ADAMTSL3: variants seen among roughly 807,000 people sequenced by gnomAD.
The protein encoded by ADAMTSL3 is ADAMTS like 3.
ADAMTSL3 carries 128 observed loss-of-function variants against 201.7 expected under a neutral mutation model. The observed-to-expected ratio is 0.63, with a 90% CI of 0.55 to 0.73. The LOEUF (loss-of-function observed/expected upper bound fraction) is 0.73. Ranked by LOEUF, ADAMTSL3 falls within the 30% of genes least tolerant of loss-of-function variation. The pLI is 0.00. For synonymous variants in ADAMTSL3, 738 were observed against 748.4 expected (o/e 0.99, Z 0.23); for missense variants, 1,990 against 2,119.6 (o/e 0.94, Z 1.20).
At chr15:83,881,217 C>A (rs2065264066) in intron 9 of ADAMTSL3, among the ~76,000 whole-genome samples, 1 of 152,204 alleles carries the variant, frequency 6.6e-6, no homozygotes, top group Non-Finnish European at 1.5e-5. Flanking sequence ...TGAACCAGGG[C>A]TTTATTCCCT....
At chr15:84,025,026 A>G (rs1389385095) in intron 26 of ADAMTSL3, among the ~76,000 whole-genome samples, 1 of 152,218 alleles carries the variant, frequency 6.6e-6, no homozygotes. Flanking sequence ...TTCCTAAAGT[A>G]GTCATCTCTA....
chr15:84,032,427 A>C (rs2068425929), intron 28 of ADAMTSL3, among the ~76,000 whole-genome samples: 1 of 152,198 alleles, frequency 6.6e-6, no homozygotes, highest in Admixed American at 6.5e-5. Context: ...ATTCTCCTCA[A>C]ATGGAAAATG....
chr15:84,016,223 T>C (rs1228888183), intron 24 of ADAMTSL3, among the ~76,000 whole-genome samples, 160 bp from the exon 25 acceptor site: 2 of 152,196 alleles, frequency 1.3e-5, no homozygotes, highest in Non-Finnish European at 2.9e-5. Context: ...TCCATACTTA[T>C]ACACACCTCC....
chr15:83,883,633 G>T lies in ADAMTSL3; in HGVS notation c.961-1468G>T, dbSNP rs2141864182. Reference sequence around the variant, plus strand: ...TGCAGTGGCGTGATCATGGCTCACTGTAGCCTCAAACTCCTGGACTCAAGG... The same window carrying T: ...TGCAGTGGCGTGATCATGGCTCACTTTAGCCTCAAACTCCTGGACTCAAGG... On this transcript the variant is annotated intron_variant, in intron 9 of 29. Transcript: ENST00000286744. 2.7e-5 allele frequency among the ~76,000 whole-genome samples: 4 copies of T among 150,390 alleles called. 1 individual carries two copies. In the Middle Eastern group the frequency reaches 0.014, roughly 519 times the overall value.
chr15:83,913,498 C>G, intron 16 of ADAMTSL3, 120 bp downstream of exon 16: 1 of 984,110 alleles, frequency 1.0e-6, no homozygotes, highest in Non-Finnish European at 1.5e-6. Flanking sequence ...TGAAGTCATT[C>G]AAATAACTGA....
intron 15 of ADAMTSL3, among the ~76,000 whole-genome samples, chr15:83,909,601 A>G (rs988631835): frequency 3.3e-5 from 5 of 152,062 alleles, no homozygotes; most frequent in Non-Finnish European, 5.9e-5. Context: ...AAAGTGCACC[A>G]TCAATGAGTG....
At chr15:83,793,662 A>G (rs769742176) in intron 4 of ADAMTSL3, among the ~76,000 whole-genome samples, 13 of 152,256 alleles carry the variant, frequency 8.5e-5, no homozygotes, top group African/African-American at 1.2e-4. Context: ...CTTTTGGTAG[A>G]GATGGGGTTT....
At chr15:83,771,334 C>T (rs891963562) in intron 3 of ADAMTSL3, among the ~76,000 whole-genome samples, 10 of 152,014 alleles carry the variant, frequency 6.6e-5, no homozygotes, top group African/African-American at 1.9e-4. Flanking sequence ...AATTTAGAAG[C>T]GTATAGTACA....
intron 7 of ADAMTSL3, among the ~76,000 whole-genome samples, chr15:83,843,038 C>T (rs2064414941): frequency 6.6e-6 from 1 of 152,080 alleles, no homozygotes; most frequent in Admixed American, 6.5e-5. Context: ...CAAGGTAGTT[C>T]ATTATTCTCT....
intron 7 of ADAMTSL3, among the ~76,000 whole-genome samples, chr15:83,845,057 G>A (rs978779116): frequency 1.3e-5 from 2 of 152,128 alleles, no homozygotes; most frequent in African/African-American, 4.8e-5. Context: ...CCTTTGCACC[G>A]ACCCATCCCT....
At chr15:83,790,974 T>C (rs2063334296) in intron 4 of ADAMTSL3, among the ~76,000 whole-genome samples, 1 of 152,174 alleles carries the variant, frequency 6.6e-6, no homozygotes. Context: ...CGCCTAATAC[T>C]GCAATGTGCT....
chr15:83,860,491 T>G (rs1343683111), intron 8 of ADAMTSL3, among the ~76,000 whole-genome samples: 1 of 152,072 alleles, frequency 6.6e-6, no homozygotes, highest in East Asian at 1.9e-4. Context: ...AATTATGCAT[T>G]TTAAAAGGGC....
intron 6 of ADAMTSL3, among the ~76,000 whole-genome samples, chr15:83,829,265 G>A (rs1327668540): frequency 3.9e-5 from 6 of 152,202 alleles, no homozygotes; most frequent in Non-Finnish European, 8.8e-5. Context: ...GAGGGTGTAT[G>A]TGTCCAGGAA....
Position 83,785,906 on chromosome 15 carries a change from C to T in ADAMTSL3, c.317+12256C>T, listed in dbSNP as rs142452893. ...TCACCCAGGCTTGAGTACAGTGGTG[C>T]GATCTCAGCTCACTGCAACCTCTGC... On this transcript the variant is annotated intron_variant, in intron 4 of 29. Coordinates refer to ENST00000286744, the MANE Select transcript of ADAMTSL3 (RefSeq NM_207517.3). Among the ~76,000 whole-genome samples the T allele has an allele frequency of 2.2e-3, 333 of 151,820 alleles. 4 individuals carry two copies. Among genetic ancestry groups the T allele is most frequent in the African/African-American group, 7.3e-3 (301 of 41,358 alleles).
chr15:83,916,586 T>A (rs2066037018), intron 16 of ADAMTSL3, among the ~76,000 whole-genome samples: 1 of 152,102 alleles, frequency 6.6e-6, no homozygotes, highest in African/African-American at 2.4e-5. Context: ...TAAAGTTCCT[T>A]ATAATAAATA....
intron 15 of ADAMTSL3, among the ~76,000 whole-genome samples, chr15:83,904,975 C>T (rs2065806249): frequency 1.3e-5 from 2 of 152,292 alleles, no homozygotes; most frequent in Middle Eastern, 3.4e-3. Flanking sequence ...GTGCTTTGTG[C>T]CAGACCTTGT....
At chr15:83,791,613 C>G (rs1391496295) in intron 4 of ADAMTSL3, among the ~76,000 whole-genome samples, 3 of 152,154 alleles carry the variant, frequency 2.0e-5, no homozygotes, top group Non-Finnish European at 4.4e-5. Flanking sequence ...AATCCCAACA[C>G]TTTGGGAGGC....
intron 3 of ADAMTSL3, among the ~76,000 whole-genome samples, chr15:83,771,135 C>T (rs2062975303): frequency 6.7e-6 from 1 of 150,314 alleles, no homozygotes; most frequent in South Asian, 2.1e-4. Flanking sequence ...TGGTGCTATA[C>T]TGTGTCCTTA....
At chr15:84,013,819 C>T (rs566258818) in intron 23 of ADAMTSL3, among the ~76,000 whole-genome samples, 1 of 152,132 alleles carries the variant, frequency 6.6e-6, no homozygotes, top group Non-Finnish European at 1.5e-5. Context: ...TTTCTCTATT[C>T]CTCTGAATCT....
Sources: gnomAD v4.1 joint callset for allele counts (sites outside exome capture counted in the v4.1 genomes callset) on GRCh38, gnomAD v4.1.1 for gene constraint, MANE v1.5 for transcripts, NCBI Gene and HGNC (gene_info 2026-07-23, HGNC 2026-07-21) for gene names.